Variants in SHLD2 observed in about 807,000 individuals in gnomAD.
SHLD2 encodes the protein RINN1-REV7-interacting novel NHEJ regulator 2.
A neutral mutation model predicts 73.2 loss-of-function variants in SHLD2; 30 were observed. The ratio of observed to expected loss-of-function variants is 0.41; its 90% CI spans 0.31 to 0.56. SHLD2 has a LOEUF of 0.56. Among genes scored for constraint, SHLD2 ranks in the 20% least tolerant of loss-of-function variants. The pLI is 0.28. For missense variants in SHLD2, 745 were observed against 1,055.9 expected (o/e 0.71, Z 4.08); for synonymous variants, 285 against 370.1 (o/e 0.77, Z 2.64).
intron 2 of SHLD2, among the ~76,000 whole-genome samples, chr10:87,131,913 G>A (rs1239053493): frequency 6.6e-6 from 1 of 152,164 alleles, no homozygotes; most frequent in African/African-American, 2.4e-5. Context: ...AGTCATTCTA[G>A]TGGGTGTAAA....
chr10:87,175,116 CAAAAAAAAAA>C (rs55718551), intron 6 of SHLD2, among the ~76,000 whole-genome samples: 1 of 84,746 alleles, frequency 1.2e-5, no homozygotes, highest in Non-Finnish European at 2.4e-5. Flanking sequence ...GACTCCATCT[CAAAAAAAAAA>C]AAAAAAAAAA....
Position 87,152,680 on chromosome 10 carries a change from T to A in SHLD2, c.1326T>A (p.Tyr442Ter). 1 of 1,610,642 alleles carries A rather than the reference T, an allele frequency of 6.2e-7. No individual in the cohort carries two copies. Among genetic ancestry groups the A allele is most frequent in the Non-Finnish European group, 8.5e-7 (1 of 1,179,542 alleles). The change falls in exon 3 of 10, where the codon TAT becomes TAA. Residue 442 changes from tyrosine (Y) to a stop codon, truncating the protein, a stop_gained. Transcript: ENST00000298786. LOFTEE classifies it high-confidence loss of function. ...ACTGTGATTCTAAAAGCCAGAAGTA[T>A]AATTGTTTAGTCATGGTGCTATCTC... is the stretch of plus-strand genomic sequence containing the variant. ...IKNCDSKSQK[Y>*]NCLVMVLSPC...
At chr10:87,187,476 A>C (rs1345481720) in intron 9 of SHLD2, among the ~76,000 whole-genome samples, 1 of 152,230 alleles carries the variant, frequency 6.6e-6, no homozygotes, top group Non-Finnish European at 1.5e-5. Flanking sequence ...TAGTTTTATA[A>C]GAGTGAAGTC....
chr10:87,136,413 T>G (rs1471959685), intron 2 of SHLD2, among the ~76,000 whole-genome samples: 2 of 150,896 alleles, frequency 1.3e-5, no homozygotes, highest in Non-Finnish European at 2.9e-5. Context: ...CCATGGAGCC[T>G]TGGTTCCTTT....
chr10:87,104,799 T>C (rs1050593147), intron 2 of SHLD2, among the ~76,000 whole-genome samples: 2 of 151,900 alleles, frequency 1.3e-5, no homozygotes, highest in African/African-American at 4.8e-5. Context: ...TAGCTGGGAT[T>C]ACAGGTGCCT....
chr10:87,102,756 G>A (rs965538403), intron 2 of SHLD2, among the ~76,000 whole-genome samples: 8 of 151,972 alleles, frequency 5.3e-5, no homozygotes, highest in Non-Finnish European at 1.0e-4. Context: ...GAAGAGATAC[G>A]GTTTCCCTAT....
chr10:87,127,240 T>C (rs1330492225), intron 2 of SHLD2, among the ~76,000 whole-genome samples: 1 of 152,164 alleles, frequency 6.6e-6, no homozygotes, highest in Non-Finnish European at 1.5e-5. Context: ...AATCTGTGCA[T>C]AAGTTGGAGG....
At chr10:87,163,941 C>CTT (rs1443884957) in intron 4 of SHLD2, among the ~76,000 whole-genome samples, 10 of 100,488 alleles carry the variant, frequency 1.0e-4, no homozygotes, top group African/African-American at 3.1e-4. Context: ...TAAACATTTT[C>CTT]TTTTCTTTTC....
chr10:87,170,756 C>T, intron 5 of SHLD2, 84 bp downstream of exon 5: 2 of 1,576,644 alleles, frequency 1.3e-6, no homozygotes, highest in Non-Finnish European at 1.7e-6. Context: ...TTGGTTATCA[C>T]TATATATGTA....
chr10:87,129,587 T>C (rs1410175580), intron 2 of SHLD2, among the ~76,000 whole-genome samples: 1 of 152,224 alleles, frequency 6.6e-6, no homozygotes, highest in Non-Finnish European at 1.5e-5. Flanking sequence ...TTCTTTCTGA[T>C]AAATTTTCCT....
At chr10:87,128,624 A>G (rs1844207458) in intron 2 of SHLD2, among the ~76,000 whole-genome samples, 1 of 152,216 alleles carries the variant, frequency 6.6e-6, no homozygotes, top group African/African-American at 2.4e-5. Flanking sequence ...GTTTCACTGT[A>G]TGTAACATTG....
chr10:87,166,008 A>T (rs10887698), intron 4 of SHLD2, among the ~76,000 whole-genome samples: 1 of 151,888 alleles, frequency 6.6e-6, no homozygotes, highest in Admixed American at 6.6e-5. Context: ...GGAATAGAAT[A>T]AAATTTTCCT....
chr10:87,149,623 T>C, intron 2 of SHLD2, among the ~76,000 whole-genome samples: 1 of 151,972 alleles, frequency 6.6e-6, no homozygotes, highest in Non-Finnish European at 1.5e-5. Context: ...CTCGGTAGGT[T>C]GAGATAGGAG....
intron 2 of SHLD2, among the ~76,000 whole-genome samples, chr10:87,109,488 A>T (rs9420437): frequency 6.6e-6 from 1 of 151,806 alleles, no homozygotes; most frequent in Non-Finnish European, 1.5e-5. Context: ...TGGTAGAGAC[A>T]GTGTTTCGCC....
At chr10:87,142,344 G>T (rs1399695430) in intron 2 of SHLD2, among the ~76,000 whole-genome samples, 1 of 152,178 alleles carries the variant, frequency 6.6e-6, no homozygotes, top group East Asian at 1.9e-4. Context: ...TTGGATTCTA[G>T]CTCCACATTG....
chr10:87,165,927 A>T (rs1294634463), intron 4 of SHLD2, among the ~76,000 whole-genome samples: 4 of 152,198 alleles, frequency 2.6e-5, no homozygotes, highest in Admixed American at 1.3e-4. Flanking sequence ...CAGAGTTTTT[A>T]AAAAAGCTGT....
chr10:87,160,987 CAAAA>C (rs147632356), intron 4 of SHLD2, among the ~76,000 whole-genome samples: 4 of 112,766 alleles, frequency 3.5e-5, no homozygotes, highest in Admixed American at 1.8e-4. Flanking sequence ...ATTCGGTCTC[CAAAA>C]AAAAAAAAAG....
intron 2 of SHLD2, among the ~76,000 whole-genome samples, chr10:87,104,517 A>G (rs2133957448): frequency 6.6e-6 from 1 of 152,116 alleles, no homozygotes; most frequent in East Asian, 1.9e-4. Flanking sequence ...TTGGGTGACA[A>G]CAGCAAGATT....
chr10:87,179,615 A>G (rs1848179158), intron 7 of SHLD2, among the ~76,000 whole-genome samples: 1 of 152,064 alleles, frequency 6.6e-6, no homozygotes, highest in Admixed American at 6.5e-5. Context: ...GTTAGCCAGG[A>G]TGGTCTCGAT....
Sources: allele counts gnomAD v4.1 joint callset (sites outside exome capture counted in the v4.1 genomes callset), GRCh38; gene constraint gnomAD v4.1.1; transcripts MANE v1.5; gene names NCBI Gene and HGNC (gene_info 2026-07-23, HGNC 2026-07-21).